PCDHGB3: variants seen among roughly 807,000 people sequenced by gnomAD.
The protein encoded by PCDHGB3 is protocadherin gamma subfamily B, 3.
In PCDHGB3, 40 loss-of-function variants were observed where a neutral mutation model predicts 59.2. That is an observed-to-expected ratio of 0.68 (90% CI 0.52 to 0.88). PCDHGB3 has a LOEUF of 0.88. PCDHGB3 is among the 40% of genes least tolerant of loss of function. The pLI is 0.00. For synonymous variants in PCDHGB3, 581 were observed against 503.6 expected, an observed-to-expected ratio of 1.15 and a Z score of -2.06; for missense variants, 1,309 against 1,187.9, an observed-to-expected ratio of 1.10 and a Z score of -1.50.
rs1589316075 is a variant in PCDHGB3, at chr5:141,398,010, G to GAATTT, written c.2415+25201_2415+25202insAATTT. 8 of 1,407,812 alleles carry GAATTT rather than the reference G, an allele frequency of 5.7e-6. 1 individual carries two copies. The East Asian group carries it at 1.5e-4, about 27-fold the overall frequency. 87.2% of individuals were successfully genotyped at this position (1,407,812 alleles called of 1,614,324 possible). Reference sequence around the variant, plus strand: ...CCGCTTCCTCCTCGGAAAAAGAATCGTTTCCTAAACTGGAACTGGAACTAA... The same window carrying GAATTT: ...CCGCTTCCTCCTCGGAAAAAGAATCGAATTTTTTCCTAAACTGGAACTGGAACTAA... On this transcript the variant is annotated intron_variant, in intron 1 of 3. Transcript: ENST00000576222.
In PCDHGB3 at chr5:141,431,371, A is replaced by G. The variant is rs2097366432; in HGVS notation, c.2415+58562A>G. The G allele has an allele frequency of 6.2e-7, 1 of 1,613,998 alleles. No individual in the cohort carries two copies. The highest frequency in any genetic ancestry group is 8.5e-7 in the Non-Finnish European group (1 of 1,180,038). ...TGAAACGCGCCCTGGACCGCGAAGA[A>G]AAGGCTGCTCACCACCTGGTCCTTA... On this transcript the variant is annotated intron_variant, in intron 1 of 3. Transcript: ENST00000576222. The surrounding 1 kb of genome is among the most constrained non-coding windows in gnomAD (Gnocchi z 4.8).
chr5:141,407,027 CT>C (rs1297630291), intron 1 of PCDHGB3, among the ~76,000 whole-genome samples: 1 of 152,128 alleles, frequency 6.6e-6, no homozygotes, highest in Non-Finnish European at 1.5e-5. Context: ...AAATTCTATG[CT>C]AAACATGTGA....
intron 1 of PCDHGB3, chr5:141,379,005 C>T (rs556550665): frequency 4.6e-4 from 70 of 152,174 alleles, no homozygotes; most frequent in Non-Finnish European, 6.8e-4. Context: ...CAAGATTTTT[C>T]TCCAGTCATG....
Position 141,383,585 on chromosome 5 carries a change from A to G in PCDHGB3, c.2415+10776A>G, listed in dbSNP as rs1779292169. The stretch of plus-strand genomic sequence containing the variant: ...CCCCGATCCAGCACCGCCCACATCC[A>G]GGTGACAGTGGTGGATGTGAATGAC... On this transcript the variant is annotated intron_variant, in intron 1 of 3. Coordinates refer to ENST00000576222, the MANE Select transcript of PCDHGB3 (RefSeq NM_018924.5). The G allele has an allele frequency of 4.3e-6, 7 of 1,613,646 alleles. No individual in the cohort carries two copies. Among genetic ancestry groups the G allele is most frequent in the Non-Finnish European group, 5.9e-6 (7 of 1,179,852 alleles).
At chr5:141,495,020 C>G in intron 2 of PCDHGB3, 155 bp downstream of exon 2, 1 of 976,790 alleles carries the variant, frequency 1.0e-6, no homozygotes, top group Non-Finnish European at 1.2e-6. Context: ...GGCTGGCACA[C>G]AGACCCCGGA....
chr5:141,383,931 T>C lies in PCDHGB3; in HGVS notation c.2415+11122T>C, dbSNP rs1017184990. ...CAGTTTTAGATGTAAATGATAATGC[T>C]CCAGAAGTGACTATGACGTCTTTAA... On this transcript the variant is annotated intron_variant, in intron 1 of 3. Transcript: ENST00000576222. 2.5e-6 allele frequency: 4 copies of C among 1,613,818 alleles called. No homozygotes were observed. In the South Asian group the frequency reaches 4.4e-5, roughly 18 times the overall value.
rs374134053 is a variant in PCDHGB3, at chr5:141,389,297, A to T, written c.2415+16488A>T. ...ACCCGCCTGGAGCCTCTATTTCACA[A>T]GTCAGGGCTTCTGATCCGGACTTGG... On this transcript the variant is annotated intron_variant, in intron 1 of 3. Coordinates refer to ENST00000576222, the MANE Select transcript of PCDHGB3 (RefSeq NM_018924.5). 6.2e-6 allele frequency: 10 copies of T among 1,613,860 alleles called. No individual in the cohort carries two copies. In the African/African-American group the frequency reaches 1.3e-4, roughly 22 times the overall value.
At position 141,512,574 on chromosome 5, in the gene PCDHGB3, C is replaced by T. The variant is rs1429371202; in HGVS notation, c.*1401C>T. 6.5e-6 allele frequency: 1 copy of T among 152,884 alleles called. No homozygotes were observed. Among genetic ancestry groups the T allele is most frequent in the Non-Finnish European group, 1.5e-5 (1 of 68,502 alleles). The allele number at this position is 152,884 out of a possible 1,614,324, so 9.5% of individuals were successfully genotyped here. On this transcript the variant is annotated 3_prime_UTR_variant, in exon 4 of 4. Coordinates refer to ENST00000576222, the MANE Select transcript of PCDHGB3 (RefSeq NM_018924.5). ...GTGCATAGACCTTCTTCTCCCACCCCCTTCTGCCCCTGGGTCCCCGGCCAT... is the reference window on the plus strand; with the variant it reads ...GTGCATAGACCTTCTTCTCCCACCCTCTTCTGCCCCTGGGTCCCCGGCCAT...
At chr5:141,482,840 G>A (rs1343123459) in intron 1 of PCDHGB3, among the ~76,000 whole-genome samples, 2 of 152,212 alleles carry the variant, frequency 1.3e-5, no homozygotes, top group Admixed American at 6.5e-5. Context: ...GGGAGGCCAA[G>A]GTGGGCAGAT....
chr5:141,503,671 A>G (rs1028896082), intron 2 of PCDHGB3, among the ~76,000 whole-genome samples: 2 of 151,950 alleles, frequency 1.3e-5, no homozygotes, highest in Non-Finnish European at 2.9e-5. Flanking sequence ...AACTCTTCCC[A>G]CTTTTGGGAA....
intron 1 of PCDHGB3, chr5:141,388,782 A>G (rs1589071559): frequency 6.2e-7 from 1 of 1,613,902 alleles, no homozygotes; most frequent in African/African-American, 1.3e-5. Flanking sequence ...CGGGGAAATT[A>G]CTGTTTTAAA....
chr5:141,443,781 CA>C (rs1227271563), intron 1 of PCDHGB3, among the ~76,000 whole-genome samples: 2 of 150,514 alleles, frequency 1.3e-5, no homozygotes, highest in African/African-American at 2.4e-5. Flanking sequence ...ACCAAAAAGA[CA>C]AAAAAAATGA....
Position 141,404,868 on chromosome 5 carries a change from A to G in PCDHGB3, c.2415+32059A>G, listed in dbSNP as rs375122600. On this transcript the variant is annotated intron_variant, in intron 1 of 3. Coordinates refer to ENST00000576222, the MANE Select transcript of PCDHGB3 (RefSeq NM_018924.5). Reference sequence around the variant, plus strand: ...GCCCTGCTAGATAGAGATGCGCTCAAACAGAGCCTTGTGGTGGCTGTACAG... The same window carrying G: ...GCCCTGCTAGATAGAGATGCGCTCAGACAGAGCCTTGTGGTGGCTGTACAG... 5.1e-5 allele frequency: 83 copies of G among 1,613,770 alleles called. 1 individual carries two copies. The highest frequency in any genetic ancestry group is 6.9e-5 in the Non-Finnish European group (81 of 1,179,896).
In PCDHGB3 at chr5:141,422,911, G is replaced by C. The variant is rs375046528; in HGVS notation, c.2415+50102G>C. ...GCTGGACCAGAACGACAATGCGCCC[G>C]AGATCCTGTACCCTGCCCTCCCCAC... On this transcript the variant is annotated intron_variant, in intron 1 of 3. Transcript: ENST00000576222. 41 of 1,614,236 alleles carry C rather than the reference G, an allele frequency of 2.5e-5. No individual in the cohort carries two copies. Among genetic ancestry groups the C allele is most frequent in the Non-Finnish European group, 3.2e-5 (38 of 1,180,046 alleles).
intron 1 of PCDHGB3, among the ~76,000 whole-genome samples, chr5:141,382,053 TC>T (rs1158430534): frequency 6.6e-6 from 1 of 151,934 alleles, no homozygotes; most frequent in Non-Finnish European, 1.5e-5. Flanking sequence ...GGTCTCAAGC[TC>T]CCGACCTCAG....
intron 2 of PCDHGB3, 80 bp downstream of exon 2, chr5:141,494,945 C>G (rs2099757788): frequency 6.2e-7 from 1 of 1,608,958 alleles, no homozygotes; most frequent in Non-Finnish European, 8.5e-7. Flanking sequence ...GGGGGAGGGC[C>G]CAGCATTTGC....
rs547129690 is a variant in PCDHGB3, at chr5:141,385,366, C to A, written c.2415+12557C>A. On this transcript the variant is annotated intron_variant, in intron 1 of 3. Transcript: ENST00000576222. ...TTTATTTCCATGAGGAATTTATTTG[C>A]ATGATATTTCTCTATTATTTTGCAA... The A allele has an allele frequency of 5.9e-6, 9 of 1,535,728 alleles. No individual in the cohort carries two copies. The South Asian group carries it at 9.0e-5, about 15-fold the overall frequency.
At chr5:141,389,426 G>C (rs868246317) in intron 1 of PCDHGB3, 1 of 1,613,498 alleles carries the variant, frequency 6.2e-7, no homozygotes, top group Non-Finnish European at 8.5e-7. Context: ...TGGTGTTCGC[G>C]CAGCGCGCCT....
Position 141,372,650 on chromosome 5 carries a change from C to T in PCDHGB3, c.2256C>T (p.Tyr752=), listed in dbSNP as rs1768944912. ...GCGAAAGGACTTTGCCTTATTCCTA[C>T]AATCCGTGTGCTGCCTCACATTCCT... ...TYSERTLPYS[Y]NPCAASHSSN... is the part of the protein sequence containing the mutation. Residue 752 remains tyrosine, a synonymous_variant, in exon 1 of 4, where the codon TAC becomes TAT. Coordinates refer to ENST00000576222, the MANE Select transcript of PCDHGB3 (RefSeq NM_018924.5). 6.2e-7 allele frequency: 1 copy of T among 1,614,008 alleles called. No homozygotes were observed. The highest frequency in any genetic ancestry group is 1.3e-5 in the African/African-American group (1 of 75,052).
Sources: allele counts gnomAD v4.1 joint callset (sites outside exome capture counted in the v4.1 genomes callset), GRCh38; gene constraint gnomAD v4.1.1; non-coding constraint Gnocchi (gnomAD v3.1); transcripts MANE v1.5; gene names NCBI Gene and HGNC (gene_info 2026-07-23, HGNC 2026-07-21).